The following CWC27 variants were observed in gnomAD, a reference collection of about 807,000 sequenced individuals.
CWC27 encodes the protein spliceosome-associated protein CWC27 homolog.
A neutral mutation model predicts 63.6 loss-of-function variants in CWC27; 47 were observed. That is an observed-to-expected ratio of 0.74 (90% CI 0.58 to 0.94). CWC27 has a LOEUF of 0.94. Among genes scored for constraint, CWC27 ranks in the 40% least tolerant of loss-of-function variants. The pLI is 0.00. For missense variants in CWC27, 495 were observed against 554.3 expected (o/e 0.89, Z 1.07); for synonymous variants, 175 against 179.8 (o/e 0.97, Z 0.22).
At chr5:64,879,689 T>G (rs531736452) in intron 10 of CWC27, among the ~76,000 whole-genome samples, 1 of 151,744 alleles carries the variant, frequency 6.6e-6, no homozygotes, top group Admixed American at 6.6e-5. Flanking sequence ...AAGTTACTTT[T>G]GAGAGAGCCA....
intron 11 of CWC27, among the ~76,000 whole-genome samples, chr5:64,905,729 G>T (rs1208204212): frequency 6.6e-6 from 1 of 152,066 alleles, no homozygotes; most frequent in East Asian, 1.9e-4. Flanking sequence ...TGCACAACAT[G>T]CAGGTTTCTT....
chr5:64,792,159 A>G (rs866978172), intron 7 of CWC27, among the ~76,000 whole-genome samples: 4 of 152,144 alleles, frequency 2.6e-5, no homozygotes, highest in Admixed American at 1.3e-4. Flanking sequence ...TCCTTCACCA[A>G]CTCTGCTCTT....
intron 10 of CWC27, among the ~76,000 whole-genome samples, chr5:64,821,742 T>C (rs1005215564): frequency 6.6e-6 from 1 of 152,180 alleles, no homozygotes; most frequent in Admixed American, 6.5e-5. Context: ...TCCCTAATTG[T>C]GTTTTTAAAA....
At chr5:64,885,846 T>C (rs968927707) in intron 11 of CWC27, among the ~76,000 whole-genome samples, 16 of 152,158 alleles carry the variant, frequency 1.1e-4, no homozygotes, top group African/African-American at 3.9e-4. Flanking sequence ...TGTTCTTAAG[T>C]AACCTTCATG....
At chr5:64,797,831 G>A (rs6868760) in intron 7 of CWC27, among the ~76,000 whole-genome samples, 56,861 of 151,950 alleles carry the variant, frequency 0.37, 11,426 homozygotes, top group East Asian at 0.51. Flanking sequence ...ACATTCACAA[G>A]GAAGTGAAAT....
chr5:64,876,914 A>T (rs886096761), intron 10 of CWC27, among the ~76,000 whole-genome samples: 1 of 152,066 alleles, frequency 6.6e-6, no homozygotes, highest in Admixed American at 6.6e-5. Context: ...GCAGGATTTT[A>T]AAAAACTACT....
At chr5:64,841,745 G>A (rs976170066) in intron 10 of CWC27, among the ~76,000 whole-genome samples, 1 of 152,086 alleles carries the variant, frequency 6.6e-6, no homozygotes, top group Non-Finnish European at 1.5e-5. Flanking sequence ...GCACAATCGC[G>A]GCTCACTGCA....
intron 10 of CWC27, among the ~76,000 whole-genome samples, chr5:64,814,630 G>C (rs986050500): frequency 2.6e-5 from 4 of 152,208 alleles, no homozygotes; most frequent in African/African-American, 9.6e-5. Flanking sequence ...AGCGACACCA[G>C]TACTTGAACC....
At chr5:64,854,215 A>G (rs1746201632) in intron 10 of CWC27, among the ~76,000 whole-genome samples, 1 of 152,170 alleles carries the variant, frequency 6.6e-6, no homozygotes, top group African/African-American at 2.4e-5. Context: ...GCTGATGGAC[A>G]TTTAGGTTGC....
At chr5:64,904,024 C>A (rs572285693) in intron 11 of CWC27, among the ~76,000 whole-genome samples, 1 of 152,192 alleles carries the variant, frequency 6.6e-6, no homozygotes, top group South Asian at 2.1e-4. Flanking sequence ...ATGAATAATG[C>A]TATACAGTGA....
chr5:64,775,243 G>A (rs1362979236), intron 2 of CWC27, among the ~76,000 whole-genome samples: 1 of 152,128 alleles, frequency 6.6e-6, no homozygotes, highest in Admixed American at 6.6e-5. Context: ...TCCACTGTTA[G>A]CTATAACAAA....
At chr5:64,807,357 A>T (rs148754180) in intron 10 of CWC27, among the ~76,000 whole-genome samples, 23 of 152,332 alleles carry the variant, frequency 1.5e-4, no homozygotes, top group Non-Finnish European at 2.8e-4. Flanking sequence ...CTGGGGAATG[A>T]TATTTAACAG....
chr5:64,780,281 C>T (rs893881383), intron 2 of CWC27, among the ~76,000 whole-genome samples: 2 of 151,980 alleles, frequency 1.3e-5, no homozygotes, highest in Admixed American at 6.6e-5. Flanking sequence ...GTATATATCA[C>T]ATTTTATTTA....
chr5:64,958,450 A>G (rs1440418962), intron 11 of CWC27, among the ~76,000 whole-genome samples: 1 of 152,154 alleles, frequency 6.6e-6, no homozygotes, highest in Non-Finnish European at 1.5e-5. Flanking sequence ...ACTTCACAGT[A>G]CTCAAATTTT....
chr5:64,891,446 A>G (rs906836848), intron 11 of CWC27, among the ~76,000 whole-genome samples: 1 of 152,202 alleles, frequency 6.6e-6, no homozygotes, highest in Non-Finnish European at 1.5e-5. Context: ...ATAATTTCTT[A>G]AATAGTAAAG....
intron 10 of CWC27, among the ~76,000 whole-genome samples, chr5:64,859,383 T>C (rs1456872765): frequency 1.3e-5 from 2 of 152,188 alleles, no homozygotes; most frequent in Non-Finnish European, 2.9e-5. Context: ...TGTCAAATCT[T>C]GTTGAACTAT....
chr5:64,848,001 G>GAAA (rs1746035084), intron 10 of CWC27, among the ~76,000 whole-genome samples: 1 of 151,466 alleles, frequency 6.6e-6, no homozygotes, highest in Non-Finnish European at 1.5e-5. Context: ...AGCTAGGAGA[G>GAAA]AAAAAATACA....
chr5:64,949,814 A>G (rs140526295), intron 11 of CWC27, among the ~76,000 whole-genome samples: 1,742 of 152,016 alleles, frequency 0.011, 19 homozygotes, highest in Non-Finnish European at 0.016. Flanking sequence ...GTTTAAGATC[A>G]TTTCTCTAAG....
At chr5:64,935,514 T>C (rs1748327165) in intron 11 of CWC27, among the ~76,000 whole-genome samples, 1 of 152,216 alleles carries the variant, frequency 6.6e-6, no homozygotes, top group African/African-American at 2.4e-5. Flanking sequence ...AGCCTTGTAG[T>C]ATAGTTTGAA....
Sources: allele counts gnomAD v4.1 joint callset (sites outside exome capture counted in the v4.1 genomes callset), GRCh38; gene constraint gnomAD v4.1.1; transcripts MANE v1.5; gene names NCBI Gene and HGNC (gene_info 2026-07-23, HGNC 2026-07-21).